The following UBE2D3 variants were observed in gnomAD, a reference collection of about 807,000 sequenced individuals.
UBE2D3 encodes ubiquitin conjugating enzyme E2 D3, also known as ubiquitin-conjugating enzyme E2 D3.
In UBE2D3, 2 loss-of-function variants were observed where a neutral mutation model predicts 22.8. That is an observed-to-expected ratio of 0.09 (90% CI 0.04 to 0.28). The LOEUF (loss-of-function observed/expected upper bound fraction) is 0.28, where lower values mean the gene tolerates loss of function less well. Among genes scored for constraint, UBE2D3 ranks in the 10% least tolerant of loss-of-function variants. The pLI is 1.00. For missense variants in UBE2D3, 27 were observed against 182.5 expected (o/e 0.15, Z 4.91); for synonymous variants, 56 against 60.4 (o/e 0.93, Z 0.34).
At chr4:102,862,162 T>G (rs2110380902) in intron 1 of UBE2D3, among the ~76,000 whole-genome samples, 1 of 152,136 alleles carries the variant, frequency 6.6e-6, no homozygotes, top group Middle Eastern at 3.4e-3. Flanking sequence ...GTTTTCCATT[T>G]ATTTCTAGTT....
In UBE2D3 at chr4:102,796,324, C is replaced by T. The variant is rs1725268622; in HGVS notation, c.*1091G>A. On this transcript the variant is annotated 3_prime_UTR_variant, in exon 8 of 8. Transcript: ENST00000453744. ...TGGGTCCCAAAAGTCCATCTATGAA[C>T]TCTAGGGCTGCCAGTATCATGTGCA... The T allele has an allele frequency of 6.6e-6, 1 of 152,388 alleles. No individual in the cohort carries two copies. The highest frequency in any genetic ancestry group is 6.6e-5 in the Admixed American group (1 of 15,228). The allele number at this position is 152,388 out of a possible 1,614,324, so 9.4% of individuals were successfully genotyped here.
At chr4:102,868,613 G>A in intron 1 of UBE2D3, 1 of 1,487,716 alleles carries the variant, frequency 6.7e-7, no homozygotes, top group Non-Finnish European at 9.4e-7. Context: ...GGTAGGGGGA[G>A]GATACTCATG....
At chr4:102,839,619 A>G (rs1731629590) in intron 1 of UBE2D3, among the ~76,000 whole-genome samples, 1 of 152,198 alleles carries the variant, frequency 6.6e-6, no homozygotes, top group African/African-American at 2.4e-5. Context: ...ACAAGGTACT[A>G]GTAGTAAAAA....
At chr4:102,838,660 T>G (rs892803847) in intron 1 of UBE2D3, among the ~76,000 whole-genome samples, 2 of 152,128 alleles carry the variant, frequency 1.3e-5, no homozygotes, top group African/African-American at 4.8e-5. Flanking sequence ...TTTCCTTACT[T>G]CCAAATTCTC....
intron 1 of UBE2D3, chr4:102,826,930 A>G (rs1730609074): frequency 9.9e-7 from 1 of 1,009,574 alleles, no homozygotes; most frequent in Admixed American, 5.9e-5. Flanking sequence ...CCAGCAGAGG[A>G]GGAGCCGGGG....
chr4:102,812,157 GT>G (rs1356989123), intron 2 of UBE2D3: 2 of 159,068 alleles, frequency 1.3e-5, no homozygotes, highest in African/African-American at 4.8e-5. Context: ...ACAAGGCATA[GT>G]GGCATGTGCC....
At chr4:102,807,056 T>G (rs1727175645) in intron 4 of UBE2D3, among the ~76,000 whole-genome samples, 1 of 152,136 alleles carries the variant, frequency 6.6e-6, no homozygotes, top group Non-Finnish European at 1.5e-5. Flanking sequence ...CTATTGAAAC[T>G]CAAAATTAGA....
chr4:102,850,596 A>G (rs1346120425), intron 1 of UBE2D3, among the ~76,000 whole-genome samples: 1 of 152,194 alleles, frequency 6.6e-6, no homozygotes, highest in Admixed American at 6.5e-5. Flanking sequence ...TCTGTGTGGC[A>G]ATAAAGAGCA....
upstream of UBE2D3, chr4:102,827,590 G>A (rs1730788010): frequency 2.0e-6 from 2 of 986,926 alleles, no homozygotes; most frequent in African/African-American, 1.7e-5. Flanking sequence ...CCCTCCTCCT[G>A]CCTCTTCACC....
intron 4 of UBE2D3, 185 bp downstream of exon 4, chr4:102,809,485 GAC>G: frequency 1.5e-6 from 1 of 645,274 alleles, no homozygotes; most frequent in Non-Finnish European, 2.6e-6. Context: ...CACAGGGATA[GAC>G]ACAAAGTACA....
chr4:102,836,454 A>G (rs146057689), intron 1 of UBE2D3, among the ~76,000 whole-genome samples: 43 of 152,122 alleles, frequency 2.8e-4, no homozygotes, highest in African/African-American at 1.0e-3. Flanking sequence ...GCCTCTTCCA[A>G]TTTTTGTCTT....
intron 2 of UBE2D3, chr4:102,825,399 G>GT (rs1292289417): frequency 3.9e-6 from 4 of 1,029,732 alleles, no homozygotes; most frequent in African/African-American, 1.7e-5. Context: ...TTGAATTTAG[G>GT]TAAGTTTTGA....
intron 1 of UBE2D3, among the ~76,000 whole-genome samples, chr4:102,849,240 TGTAGTCCCAG>T (rs1732213587): frequency 6.6e-6 from 1 of 150,864 alleles, no homozygotes; most frequent in Non-Finnish European, 1.5e-5. Context: ...GGCACACACC[TGTAGTCCCAG>T]GTACTTGGGA....
intron 7 of UBE2D3, among the ~76,000 whole-genome samples, chr4:102,799,181 G>A (rs542878472): frequency 2.6e-5 from 4 of 151,202 alleles, no homozygotes; most frequent in African/African-American, 7.3e-5. Context: ...TGTTTAACAC[G>A]CTAGGAAAAA....
chr4:102,826,836 T>G, intron 1 of UBE2D3, 200 bp from the exon 2 acceptor site: 1 of 1,143,958 alleles, frequency 8.7e-7, no homozygotes, highest in Non-Finnish European at 1.1e-6. Context: ...AAGTTTAACT[T>G]CCCGGCCTCT....
At chr4:102,801,335 T>A (rs1560843396) in intron 6 of UBE2D3, 119 bp downstream of exon 6, 3 of 781,834 alleles carry the variant, frequency 3.8e-6, no homozygotes. Context: ...TAAAAGTAAC[T>A]TTATTGCTTC....
chr4:102,801,432 T>C (rs761821196), intron 6 of UBE2D3, 22 bp downstream of exon 6: 6 of 1,567,202 alleles, frequency 3.8e-6, no homozygotes, highest in Non-Finnish European at 5.3e-6. Flanking sequence ...TGAGAACAGC[T>C]TATTTCACTA....
At position 102,797,174 on chromosome 4, in the gene UBE2D3, T is replaced by G; in HGVS notation, c.*241A>C. On this transcript the variant is annotated 3_prime_UTR_variant, in exon 8 of 8. Transcript: ENST00000453744. Reference sequence around the variant, plus strand: ...CATTTTTTTTTTTAAAAATTCTGAGTCTTGGGCAACTGTTCTCTTGTAACT... The same window carrying G: ...CATTTTTTTTTTTAAAAATTCTGAGGCTTGGGCAACTGTTCTCTTGTAACT... 2.7e-6 allele frequency: 1 copy of G among 364,710 alleles called. No homozygotes were observed. Among genetic ancestry groups the G allele is most frequent in the East Asian group, 4.3e-5 (1 of 23,430 alleles). 22.6% of individuals were successfully genotyped at this position (364,710 alleles called of 1,614,324 possible). A position where few individuals can be genotyped will look rare whatever the true frequency, so the allele number is the denominator to read the frequency against.
chr4:102,810,804 T>C (rs1246560955), intron 2 of UBE2D3: 1 of 152,072 alleles, frequency 6.6e-6, no homozygotes, highest in Non-Finnish European at 1.5e-5. Flanking sequence ...ATTTTTAAGA[T>C]GGTACAGCTC....
Sources: gnomAD v4.1 joint callset for allele counts (sites outside exome capture counted in the v4.1 genomes callset) on GRCh38, gnomAD v4.1.1 for gene constraint, MANE v1.5 for transcripts, NCBI Gene and HGNC (gene_info 2026-07-23, HGNC 2026-07-21) for gene names.